Variants in SLC13A5 observed in about 807,000 individuals in gnomAD.
SLC13A5 encodes the protein Na(+)/citrate cotransporter.
SLC13A5 carries 25 observed loss-of-function variants against 56.5 expected under a neutral mutation model. That is an observed-to-expected ratio of 0.44 (90% confidence interval 0.32 to 0.62). SLC13A5 has a LOEUF of 0.62. Ranked by LOEUF, SLC13A5 falls within the 20% of genes least tolerant of loss-of-function variation. SLC13A5 has a pLI of 0.04. For missense variants in SLC13A5, 649 were observed against 737.8 expected, an observed-to-expected ratio of 0.88 and a Z score of 1.39; for synonymous variants, 307 against 301.5, an observed-to-expected ratio of 1.02 and a Z score of -0.19.
intron 6 of SLC13A5, among the ~76,000 whole-genome samples, chr17:6,698,929 C>T (rs1274462716): frequency 2.0e-5 from 3 of 151,664 alleles, no homozygotes; most frequent in African/African-American, 7.3e-5. Context: ...GTAATTCCAG[C>T]TACTTGGGAG....
rs1276832916 is a variant in SLC13A5, at chr17:6,692,220, G to A, written c.1275+824C>T. Among the ~76,000 whole-genome samples, 1 of 150,228 alleles carries A rather than the reference G, an allele frequency of 6.7e-6. No homozygotes were observed. The highest frequency in any genetic ancestry group is 6.6e-5 in the Admixed American group (1 of 15,090). Reference sequence around the variant, plus strand: ...AGATGGGTGGATAGATAGATGGGTGGATGGATGGACAGATGGATGGATGGA... The same window carrying A: ...AGATGGGTGGATAGATAGATGGGTGAATGGATGGACAGATGGATGGATGGA... On this transcript the variant is annotated intron_variant, in intron 9 of 11. Coordinates refer to ENST00000433363, the MANE Select transcript of SLC13A5 (RefSeq NM_177550.5). This position sits in a 1 kb window ranked among gnomAD's most constrained non-coding sequence, Gnocchi z 5.5.
chr17:6,690,130 C>G (rs1434942863), intron 10 of SLC13A5: 1 of 127,940 alleles, frequency 7.8e-6, no homozygotes, highest in Non-Finnish European at 1.6e-5. Context: ...GCTCTGCTTT[C>G]TTCTCACTCC....
chr17:6,687,780 G>T lies in SLC13A5; in HGVS notation c.1438-114C>A. On this transcript the variant is annotated intron_variant, in intron 10 of 11. Transcript: ENST00000433363. The surrounding 1 kb of genome is among the most constrained non-coding windows in gnomAD (Gnocchi z 5.0). Reference sequence around the variant, plus strand: ...GGTACGTTTGAACCTCTGTGCCTCAGTCTTGGTTCCTCTCCCTTTTGCCAC... The same window carrying T: ...GGTACGTTTGAACCTCTGTGCCTCATTCTTGGTTCCTCTCCCTTTTGCCAC... 1.5e-6 allele frequency: 2 copies of T among 1,295,084 alleles called. No homozygotes were observed. The highest frequency in any genetic ancestry group is 1.5e-5 in the African/African-American group (1 of 64,912). 80.2% of individuals were successfully genotyped at this position (1,295,084 alleles called of 1,614,324 possible). A position where few individuals can be genotyped will look rare whatever the true frequency, so the allele number is the denominator to read the frequency against.
intron 8 of SLC13A5, 66 bp from the exon 9 acceptor site, chr17:6,693,228 CA>C: frequency 6.7e-6 from 6 of 896,238 alleles, no homozygotes; most frequent in South Asian, 5.2e-5. Context: ...CACACACACA[CA>C]CCAGAGCAGC....
rs1064796654 is a variant in SLC13A5 at position 6,690,918 on chromosome 17, A to G, written c.1298T>C (p.Met433Thr). The G allele has an allele frequency of 1.2e-6, 2 of 1,612,310 alleles. No homozygotes were observed. The highest frequency in any genetic ancestry group is 1.7e-6 in the Non-Finnish European group (2 of 1,178,816). Residue 433 changes from methionine (M) to threonine (T), a missense_variant, in exon 10 of 12, where the codon ATG becomes ACG. Physicochemically the swap from Met to Thr is moderately conservative, Grantham distance 81 (BLOSUM62 -1). Coordinates refer to ENST00000433363, the MANE Select transcript of SLC13A5 (RefSeq NM_177550.5). ...GSEASGLSVWMGKQMEPLHAV... is the reference protein window; with the variant it reads ...GSEASGLSVWTGKQMEPLHAV... ...GTGCAAGGGCTCCATCTGCTTCCCC[A>G]TCCACACGGACAGCCCCGAGGCCTG...
chr17:6,709,417 G>A (rs1007701855), intron 1 of SLC13A5, among the ~76,000 whole-genome samples: 4 of 151,946 alleles, frequency 2.6e-5, no homozygotes, highest in Non-Finnish European at 4.4e-5. Flanking sequence ...CTACAGACAA[G>A]CGCCACCACG....
chr17:6,698,095 C>T (rs769062652), intron 6 of SLC13A5, among the ~76,000 whole-genome samples: 8 of 152,208 alleles, frequency 5.3e-5, no homozygotes, highest in Non-Finnish European at 1.0e-4. Context: ...CCACTCAAAC[C>T]GAATGTAAAA....
At position 6,692,988 on chromosome 17, in the gene SLC13A5, C is replaced by T. The variant is rs972260458; in HGVS notation, c.1275+56G>A. On this transcript the variant is annotated intron_variant, in intron 9 of 11. Coordinates refer to ENST00000433363, the MANE Select transcript of SLC13A5 (RefSeq NM_177550.5). The surrounding 1 kb of genome is among the most constrained non-coding windows in gnomAD (Gnocchi z 5.5). ...GCCCAGGGATGGAAGGGTGGAGAAA[C>T]GCCACCCTCTTGACGAAGAAGAGGG... 56 of 1,371,136 alleles carry T rather than the reference C, an allele frequency of 4.1e-5. No individual in the cohort carries two copies. The highest frequency in any genetic ancestry group is 5.0e-5 in the Admixed American group (3 of 59,622). 84.9% of individuals were successfully genotyped at this position (1,371,136 alleles called of 1,614,324 possible). A position where few individuals can be genotyped will look rare whatever the true frequency, so the allele number is the denominator to read the frequency against.
Position 6,687,519 on chromosome 17 carries a change from G to T in SLC13A5, c.1575+10C>A, listed in dbSNP as rs576242281. On this transcript the variant is annotated intron_variant, in intron 11 of 11. Coordinates refer to ENST00000433363, the MANE Select transcript of SLC13A5 (RefSeq NM_177550.5). The surrounding 1 kb of genome is among the most constrained non-coding windows in gnomAD (Gnocchi z 5.0). Reference sequence around the variant, plus strand: ...AGTCCGACGGGAGTAAATAAAAACAGCTGTGTTACCATGTCAGCAACCTTG... The same window carrying T: ...AGTCCGACGGGAGTAAATAAAAACATCTGTGTTACCATGTCAGCAACCTTG... 16 of 1,613,550 alleles carry T rather than the reference G, an allele frequency of 9.9e-6. No homozygotes were observed. The East Asian group carries it at 2.7e-4, about 27-fold the overall frequency.
chr17:6,689,740 A>G (rs1312973484), intron 10 of SLC13A5: 7 of 152,058 alleles, frequency 4.6e-5, no homozygotes, highest in Non-Finnish European at 2.9e-5. Flanking sequence ...AAAACCACTT[A>G]GGTTTGCTTT....
intron 6 of SLC13A5, among the ~76,000 whole-genome samples, chr17:6,696,650 G>C (rs79697111): frequency 6.6e-6 from 1 of 152,190 alleles, no homozygotes; most frequent in Non-Finnish European, 1.5e-5. Flanking sequence ...AGGTGTAAAG[G>C]GGAGCTCAGC....
At position 6,694,063 on chromosome 17, in the gene SLC13A5, C is replaced by T. The variant is rs138567784; in HGVS notation, c.1156+34G>A. The T allele has an allele frequency of 4.5e-3, 6,673 of 1,490,438 alleles. 30 individuals carry two copies. The highest frequency in any genetic ancestry group is 4.4e-3 in the Non-Finnish European group (4,703 of 1,073,828). The allele number at this position is 1,490,438 out of a possible 1,614,324, so 92.3% of individuals were successfully genotyped here. ...GACCCTTTGGTTCCAGGGCTCCAGT[C>T]CTGATGACTGGGCGATCAGAACAGG... On this transcript the variant is annotated intron_variant, in intron 8 of 11. Transcript: ENST00000433363.
At chr17:6,707,187 T>C (rs1367151542) in intron 1 of SLC13A5, 31 bp from the exon 2 acceptor site, 1 of 1,610,950 alleles carries the variant, frequency 6.2e-7, no homozygotes, top group South Asian at 1.1e-5. Context: ...CCTCAGCGTG[T>C]TGCCGCCTCC....
At chr17:6,710,004 G>A (rs1973977570) in intron 1 of SLC13A5, among the ~76,000 whole-genome samples, 1 of 152,246 alleles carries the variant, frequency 6.6e-6, no homozygotes, top group Non-Finnish European at 1.5e-5. Context: ...GTGGGGCAGG[G>A]TGAGGGCAGG....
chr17:6,686,624 G>A (rs765321009), intron 11 of SLC13A5: 2 of 362,324 alleles, frequency 5.5e-6, no homozygotes, highest in Non-Finnish European at 1.1e-5. Context: ...GCCATTCAGG[G>A]AAACGGTCAC....
rs771281348 is a variant in SLC13A5, at chr17:6,707,044, A to G, written c.215T>C (p.Ile72Thr). Residue 72 changes from isoleucine to threonine, a missense_variant, in exon 2 of 12, where the codon ATT (isoleucine) becomes ACT (threonine). Transcript: ENST00000433363. ...MPVLLFPLFQ[I>T]LDSRQVCVQY... ...TCTGCTCACCTGCCTGGAGTCCAGAATCTGGAAGAGTGGGAAAAGCAAGAC... is the reference window on the plus strand; with the variant it reads ...TCTGCTCACCTGCCTGGAGTCCAGAGTCTGGAAGAGTGGGAAAAGCAAGAC... 2 of 1,613,992 alleles carry G rather than the reference A, an allele frequency of 1.2e-6. No individual in the cohort carries two copies. The highest frequency in any genetic ancestry group is 2.7e-5 in the African/African-American group (2 of 75,040).
rs1973551459 is a variant in SLC13A5, at chr17:6,695,996, G to C, written c.840-55C>G. The C allele has an allele frequency of 7.2e-6, 11 of 1,519,296 alleles. No individual in the cohort carries two copies. In the Admixed American group the frequency reaches 1.7e-4, roughly 24 times the overall value. The allele number at this position is 1,519,296 out of a possible 1,614,324, so 94.1% of individuals were successfully genotyped here. A position where few individuals can be genotyped will look rare whatever the true frequency, so the allele number is the denominator to read the frequency against. On this transcript the variant is annotated intron_variant, in intron 6 of 11. Coordinates refer to ENST00000433363, the MANE Select transcript of SLC13A5 (RefSeq NM_177550.5). ...GGGCAGACTGGTTGGCTCAGGTGCT[G>C]GTCAGATGGAGCCTAAATGTTCTAC...
chr17:6,696,092 G>T lies in SLC13A5; in HGVS notation c.840-151C>A, dbSNP rs1973554226. ...TGGGGCCTGGAGAAAGGCCCTTCCTGCCTCTTTCCCTCTCCTGTTCTTCCA... is the reference window on the plus strand; with the variant it reads ...TGGGGCCTGGAGAAAGGCCCTTCCTTCCTCTTTCCCTCTCCTGTTCTTCCA... On this transcript the variant is annotated intron_variant, in intron 6 of 11. Coordinates refer to ENST00000433363, the MANE Select transcript of SLC13A5 (RefSeq NM_177550.5). 3 of 670,790 alleles carry T rather than the reference G, an allele frequency of 4.5e-6. No homozygotes were observed. The South Asian group carries it at 5.9e-5, about 13-fold the overall frequency. The allele number at this position is 670,790 out of a possible 1,614,324, so 41.6% of individuals were successfully genotyped here. A position where few individuals can be genotyped will look rare whatever the true frequency, so the allele number is the denominator to read the frequency against.
In SLC13A5 at chr17:6,704,204, G is replaced by A. The variant is rs8076962; in HGVS notation, c.369-148C>T. The A allele has an allele frequency of 7.2e-3, 6,101 of 849,098 alleles. 210 individuals are homozygous for A. The African/African-American group carries it at 0.083, about 12-fold the overall frequency. The allele number at this position is 849,098 out of a possible 1,614,324, so 52.6% of individuals were successfully genotyped here. A position where few individuals can be genotyped will look rare whatever the true frequency, so the allele number is the denominator to read the frequency against. On this transcript the variant is annotated intron_variant, in intron 3 of 11. Coordinates refer to ENST00000433363, the MANE Select transcript of SLC13A5 (RefSeq NM_177550.5). ...ATCAGATATTGGAATAGGGATGACG[G>A]TTTTAGAGCCTCCCCTCCCTCCCTC...
Sources: allele counts gnomAD v4.1 joint callset (sites outside exome capture counted in the v4.1 genomes callset), GRCh38; gene constraint gnomAD v4.1.1; non-coding constraint Gnocchi (gnomAD v3.1); transcripts MANE v1.5; gene names NCBI Gene and HGNC (gene_info 2026-07-23, HGNC 2026-07-21).